NAA50: variants seen among roughly 807,000 people sequenced by gnomAD.
The protein encoded by NAA50 is N-alpha-acetyltransferase 50.
A neutral mutation model predicts 20.7 loss-of-function variants in NAA50; 7 were observed. The ratio of observed to expected loss-of-function variants is 0.34; its 90% CI spans 0.19 to 0.63. The LOEUF (loss-of-function observed/expected upper bound fraction) is 0.63, where lower values mean the gene tolerates loss of function less well. Ranked by LOEUF, NAA50 falls within the 30% of genes least tolerant of loss-of-function variation. The pLI is 0.75. For synonymous variants in NAA50, 54 were observed against 70.6 expected (o/e 0.77, Z 1.18); for missense variants, 111 against 199.1 (o/e 0.56, Z 2.66).
chr3:113,727,203 T>C (rs984880096), intron 1 of NAA50, among the ~76,000 whole-genome samples: 1 of 152,364 alleles, frequency 6.6e-6, no homozygotes, highest in Non-Finnish European at 1.5e-5. Flanking sequence ...AATTTTTTTA[T>C]ATACAGTTTG....
intron 1 of NAA50, among the ~76,000 whole-genome samples, chr3:113,725,506 C>A (rs1022218539): frequency 6.6e-6 from 1 of 151,958 alleles, no homozygotes; most frequent in Non-Finnish European, 1.5e-5. Context: ...GCATGAAGGC[C>A]TGTAATCCCA....
chr3:113,744,210 C>T (rs1708458747), intron 1 of NAA50, among the ~76,000 whole-genome samples: 1 of 152,076 alleles, frequency 6.6e-6, no homozygotes, highest in Admixed American at 6.6e-5. Context: ...ACCTGTAATC[C>T]CAGCACTTTG....
chr3:113,725,273 C>T (rs907821914), intron 1 of NAA50, among the ~76,000 whole-genome samples: 3 of 152,064 alleles, frequency 2.0e-5, no homozygotes, highest in African/African-American at 4.8e-5. Flanking sequence ...TTGCTCCATC[C>T]GTATTATTTG....
chr3:113,742,374 G>A (rs765637274), intron 1 of NAA50, among the ~76,000 whole-genome samples: 6 of 151,214 alleles, frequency 4.0e-5, no homozygotes, highest in Non-Finnish European at 7.4e-5. Flanking sequence ...TGATCCTCCT[G>A]CCTCAGCCTC....
At chr3:113,744,036 G>A (rs1021386706) in intron 1 of NAA50, among the ~76,000 whole-genome samples, 2 of 152,230 alleles carry the variant, frequency 1.3e-5, no homozygotes, top group East Asian at 3.9e-4. Flanking sequence ...CAACCCCTTC[G>A]TAAATCCATG....
At chr3:113,723,073 A>G (rs1708157147) in intron 3 of NAA50, 101 bp from the exon 4 acceptor site, 1 of 1,365,112 alleles carries the variant, frequency 7.3e-7, no homozygotes, top group Non-Finnish European at 9.7e-7. Flanking sequence ...GTCCTAAAAG[A>G]ATTTATGAGG....
Position 113,746,106 on chromosome 3 carries a change from C to A in NAA50, c.-157G>T. ...TGCGAGCAACGAAGGCCGCGAGAGTCGAGTGAGGGCTTGAGTCTGGTGGGG... is the reference window on the plus strand; with the variant it reads ...TGCGAGCAACGAAGGCCGCGAGAGTAGAGTGAGGGCTTGAGTCTGGTGGGG... On this transcript the variant is annotated 5_prime_UTR_variant, in exon 1 of 5. Transcript: ENST00000240922. 1 of 921,266 alleles carries A rather than the reference C, an allele frequency of 1.1e-6. No homozygotes were observed. The highest frequency in any genetic ancestry group is 1.6e-5 in the South Asian group (1 of 61,810). 57.1% of individuals were successfully genotyped at this position (921,266 alleles called of 1,614,324 possible). A position where few individuals can be genotyped will look rare whatever the true frequency, so the allele number is the denominator to read the frequency against.
intron 1 of NAA50, among the ~76,000 whole-genome samples, chr3:113,742,599 T>C (rs1708433484): frequency 6.6e-6 from 1 of 152,162 alleles, no homozygotes; most frequent in Non-Finnish European, 1.5e-5. Context: ...AGCATTCCTT[T>C]TGCCCCTTCC....
intron 1 of NAA50, among the ~76,000 whole-genome samples, chr3:113,742,246 C>T (rs1708426825): frequency 6.6e-6 from 1 of 152,020 alleles, no homozygotes; most frequent in Non-Finnish European, 1.5e-5. Flanking sequence ...CAGCAATAAA[C>T]CTTTAAAAAA....
intron 1 of NAA50, among the ~76,000 whole-genome samples, chr3:113,732,164 T>A (rs1035207459): frequency 3.3e-5 from 5 of 152,190 alleles, no homozygotes; most frequent in Non-Finnish European, 7.4e-5. Context: ...TCTTGAGATG[T>A]GAAGATCAAC....
At chr3:113,725,127 A>G (rs1708185316) in intron 1 of NAA50, among the ~76,000 whole-genome samples, 1 of 152,216 alleles carries the variant, frequency 6.6e-6, no homozygotes, top group African/African-American at 2.4e-5. Flanking sequence ...TTCAGTTCCA[A>G]TTTCTAACAA....
At chr3:113,731,801 C>A (rs1480794322) in intron 1 of NAA50, among the ~76,000 whole-genome samples, 2 of 152,174 alleles carry the variant, frequency 1.3e-5, no homozygotes, top group Non-Finnish European at 2.9e-5. Context: ...GCAGTCTGAT[C>A]TTTTTATTGC....
chr3:113,721,684 G>A lies in NAA50; in HGVS notation c.*76C>T, dbSNP rs1708137632. The A allele has an allele frequency of 2.7e-5, 39 of 1,456,882 alleles. 1 individual carries two copies. The South Asian group carries it at 4.5e-4, about 17-fold the overall frequency. The allele number at this position is 1,456,882 out of a possible 1,614,324, so 90.2% of individuals were successfully genotyped here. On this transcript the variant is annotated 3_prime_UTR_variant, in exon 5 of 5. Transcript: ENST00000240922. The stretch of plus-strand genomic sequence containing the variant: ...AGAAAAGCTTTAAAAGAAAAGTGTT[G>A]GGGTGGGGGAGGAATCAATGGGCCT...
chr3:113,737,035 GT>G (rs1442427508), intron 1 of NAA50, among the ~76,000 whole-genome samples: 1 of 152,022 alleles, frequency 6.6e-6, no homozygotes, highest in African/African-American at 2.4e-5. Flanking sequence ...AGAGACAAAT[GT>G]ACCTATAGTT....
intron 1 of NAA50, among the ~76,000 whole-genome samples, chr3:113,743,940 G>A (rs540548811): frequency 1.3e-5 from 2 of 152,312 alleles, no homozygotes; most frequent in East Asian, 3.9e-4. Flanking sequence ...CTATCGCCAA[G>A]TTATGTATCA....
In NAA50 at chr3:113,719,579, G is replaced by A. The variant is rs1708107439; in HGVS notation, c.*2181C>T. The A allele has an allele frequency of 6.6e-6, 1 of 152,456 alleles. No individual in the cohort carries two copies. The highest frequency in any genetic ancestry group is 1.5e-5 in the Non-Finnish European group (1 of 67,994). 9.4% of individuals were successfully genotyped at this position (152,456 alleles called of 1,614,324 possible). A position where few individuals can be genotyped will look rare whatever the true frequency, so the allele number is the denominator to read the frequency against. On this transcript the variant is annotated 3_prime_UTR_variant, in exon 5 of 5. Coordinates refer to ENST00000240922, the MANE Select transcript of NAA50 (RefSeq NM_025146.4). ...ATGGAATTATTTAACTAAGTTTGAT[G>A]TAGGACAATTAACCCTTTACAAACA...
intron 2 of NAA50, 57 bp from the exon 3 acceptor site, chr3:113,723,598 T>G (rs1199216846): frequency 1.3e-6 from 2 of 1,516,566 alleles, no homozygotes; most frequent in South Asian, 2.5e-5. Context: ...ACATTTAATC[T>G]TTTTCCCTTT....
rs961480294 is a variant in NAA50, at chr3:113,721,564, A to C, written c.*196T>G. 4.4e-5 allele frequency: 28 copies of C among 631,628 alleles called. No individual in the cohort carries two copies. The highest frequency in any genetic ancestry group is 7.5e-5 in the Non-Finnish European group (28 of 371,384). 39.1% of individuals were successfully genotyped at this position (631,628 alleles called of 1,614,324 possible). A position where few individuals can be genotyped will look rare whatever the true frequency, so the allele number is the denominator to read the frequency against. On this transcript the variant is annotated 3_prime_UTR_variant, in exon 5 of 5. Coordinates refer to ENST00000240922, the MANE Select transcript of NAA50 (RefSeq NM_025146.4). ...AAACCACCTCACAAAAATAAGAGAA[A>C]ACAATTCAAACATGATTATTTTTTT...
intron 1 of NAA50, among the ~76,000 whole-genome samples, chr3:113,740,212 G>T (rs769961589): frequency 6.6e-6 from 1 of 151,814 alleles, no homozygotes; most frequent in African/African-American, 2.4e-5. Flanking sequence ...TTTATTCCAA[G>T]TCTTTAAAAT....
Sources: allele counts gnomAD v4.1 joint callset (sites outside exome capture counted in the v4.1 genomes callset), GRCh38; gene constraint gnomAD v4.1.1; transcripts MANE v1.5; gene names NCBI Gene and HGNC (gene_info 2026-07-23, HGNC 2026-07-21).